The following COL4A3 variants were observed in gnomAD, a reference collection of about 807,000 sequenced individuals.
COL4A3 encodes collagen type IV alpha 3 chain, also known as collagen alpha-3(IV) chain.
Under a neutral mutation model 217.4 loss-of-function variants are expected in COL4A3, and 135 were observed. The ratio of observed to expected loss-of-function variants is 0.62; its 90% CI spans 0.54 to 0.72. COL4A3 has a LOEUF of 0.72. Ranked by LOEUF, COL4A3 falls within the 30% of genes least tolerant of loss-of-function variation. The pLI is 0.00. For synonymous variants in COL4A3, 690 were observed against 736.3 expected (o/e 0.94, Z 1.02); for missense variants, 1,868 against 2,119.9 (o/e 0.88, Z 2.33).
chr2:227,276,726 A>C (rs538995938), intron 27 of COL4A3, among the ~76,000 whole-genome samples: 2 of 152,354 alleles, frequency 1.3e-5, no homozygotes, highest in African/African-American at 4.8e-5. Context: ...GTAACTACTT[A>C]AGAGGAATTT....
intron 34 of COL4A3, among the ~76,000 whole-genome samples, chr2:227,286,232 C>T (rs2072314143): frequency 6.6e-6 from 1 of 152,104 alleles, no homozygotes; most frequent in African/African-American, 2.4e-5. Context: ...TGGCTCACGG[C>T]TGTAATCCCA....
rs780977535 is a variant in COL4A3, at chr2:227,254,121, G to A, written c.775G>A (p.Gly259Arg). The change falls in exon 14 of 52, where the codon GGG becomes AGG. Residue 259 changes from glycine to arginine, a missense_variant. This residue lies in a region of COL4A3 where 365 missense variants were observed against 333.8 expected (regional missense o/e 1.09). Coordinates refer to ENST00000396578, the MANE Select transcript of COL4A3 (RefSeq NM_000091.5). ...ACTGTTTCTTTGGCAGGACCTCAAG[G>A]GGGAAAAGGGAGACAAGGGAGCAAT... The part of the protein sequence containing the change: ...TGPDNRTDLK[G>R]EKGDKGAMGE... The A allele has an allele frequency of 1.2e-6, 2 of 1,613,864 alleles. No individual in the cohort carries two copies. The highest frequency in any genetic ancestry group is 1.7e-6 in the Non-Finnish European group (2 of 1,179,868).
rs367574148 is a variant in COL4A3, at chr2:227,283,865, T to C, written c.2746+9T>C. On this transcript the variant is annotated intron_variant, in intron 33 of 51. Transcript: ENST00000396578. ...CACACCAGGGCAGAGGGGTAAGTGA[T>C]AGAGTGTCTTTCTAAATAGCAGGAA... 1.2e-6 allele frequency: 2 copies of C among 1,602,736 alleles called. No individual in the cohort carries two copies. The highest frequency in any genetic ancestry group is 1.3e-5 in the African/African-American group (1 of 74,798).
chr2:227,202,935 GTATATATGTGTA>G (rs2066803242), intron 1 of COL4A3, among the ~76,000 whole-genome samples: 3 of 30,030 alleles, frequency 1.0e-4, no homozygotes, highest in African/African-American at 5.7e-4. Context: ...GTATATATGT[GTATATATGTGTA>G]TATATACATA....
intron 1 of COL4A3, among the ~76,000 whole-genome samples, chr2:227,196,617 G>A (rs12694720): frequency 0.71 from 107,994 of 152,016 alleles, 38,695 homozygotes; most frequent in African/African-American, 0.76. Context: ...GCGCCTGGCC[G>A]TTTTTATCTT....
chr2:227,283,156 T>C (rs570174537), intron 32 of COL4A3, among the ~76,000 whole-genome samples: 1 of 152,326 alleles, frequency 6.6e-6, no homozygotes, highest in East Asian at 1.9e-4. Context: ...TTGTTGTTCA[T>C]CATATTTCTG....
Position 227,253,872 on chromosome 2 carries a change from TA to T in COL4A3, c.766-229del, listed in dbSNP as rs375929929. Among the ~76,000 whole-genome samples, 149 of 149,446 alleles carry T rather than the reference TA, an allele frequency of 1.0e-3. No homozygotes were observed. Among genetic ancestry groups the T allele is most frequent in the African/African-American group, 2.9e-3 (118 of 40,772 alleles). On this transcript the variant is annotated intron_variant, in intron 13 of 51. Coordinates refer to ENST00000396578, the MANE Select transcript of COL4A3 (RefSeq NM_000091.5). The surrounding 1 kb of genome is among the most constrained non-coding windows in gnomAD (Gnocchi z 4.4). ...TTGGGCAACAGAGTGAGACTTCATT[TA>T]AAAAAAAAAACAACAAAAAAAAGAT... is the stretch of plus-strand genomic sequence containing the variant.
chr2:227,269,445 T>C (rs1256846060), intron 23 of COL4A3, among the ~76,000 whole-genome samples: 2 of 152,198 alleles, frequency 1.3e-5, no homozygotes, highest in African/African-American at 2.4e-5. Context: ...AAAATGAAGC[T>C]ATAAATTCAT....
Position 227,308,977 on chromosome 2 carries a change from C to T in COL4A3, c.4541C>T (p.Ala1514Val). 1 of 1,614,172 alleles carries T rather than the reference C, an allele frequency of 6.2e-7. No homozygotes were observed. Among genetic ancestry groups the T allele is most frequent in the Non-Finnish European group, 8.5e-7 (1 of 1,180,008 alleles). The stretch of plus-strand genomic sequence containing the variant: ...AATGTCAATGATGTATGTAATTTTG[C>T]ATCTCGAAATGATTATTCATACTGG... ...FCNVNDVCNF[A>V]SRNDYSYWLS... The change falls in exon 49 of 52, where the codon GCA becomes GTA. Residue 1514 changes from alanine (A) to valine (V), a missense_variant. Physicochemically the swap from Ala to Val is moderately conservative, Grantham distance 64. Transcript: ENST00000396578.
At chr2:227,264,065 C>T in intron 21 of COL4A3, 121 bp downstream of exon 21, 1 of 1,092,768 alleles carries the variant, frequency 9.2e-7, no homozygotes. Context: ...TATGAGTTAC[C>T]TTTCCAATGG....
Position 227,282,307 on chromosome 2 carries a change from A to T in COL4A3, c.2489-58A>T. Reference sequence around the variant, plus strand: ...ATATATATATATATATATATTTCTGAAGTTAGTAGGGGAAAGCATTTGTGG... The same window carrying T: ...ATATATATATATATATATATTTCTGTAGTTAGTAGGGGAAAGCATTTGTGG... On this transcript the variant is annotated intron_variant, in intron 31 of 51. Transcript: ENST00000396578. The surrounding 1 kb of genome is among the most constrained non-coding windows in gnomAD (Gnocchi z 4.4). The T allele has an allele frequency of 1.7e-5, 16 of 969,404 alleles. No homozygotes were observed. Among genetic ancestry groups the T allele is most frequent in the Non-Finnish European group, 1.9e-5 (12 of 634,394 alleles). The allele number at this position is 969,404 out of a possible 1,614,324, so 60.1% of individuals were successfully genotyped here. A position where few individuals can be genotyped will look rare whatever the true frequency, so the allele number is the denominator to read the frequency against.
chr2:227,168,504 A>T (rs866573443), intron 1 of COL4A3, among the ~76,000 whole-genome samples: 3 of 152,200 alleles, frequency 2.0e-5, no homozygotes, highest in Non-Finnish European at 4.4e-5. Context: ...GTTGCTAATT[A>T]ATTAGAAGTT....
chr2:227,277,883 C>T (rs991643576), intron 28 of COL4A3, among the ~76,000 whole-genome samples: 7 of 151,668 alleles, frequency 4.6e-5, no homozygotes, highest in African/African-American at 1.7e-4. Flanking sequence ...GGCTGTAATC[C>T]CAGCTACTCA....
At chr2:227,238,541 T>A (rs1044993152) in intron 2 of COL4A3, among the ~76,000 whole-genome samples, 2 of 152,200 alleles carry the variant, frequency 1.3e-5, no homozygotes, top group African/African-American at 4.8e-5. Context: ...AAAAAAGGAA[T>A]GCCGTGAAAT....
At chr2:227,168,203 A>G (rs1438451225) in intron 1 of COL4A3, among the ~76,000 whole-genome samples, 2 of 152,232 alleles carry the variant, frequency 1.3e-5, no homozygotes, top group Non-Finnish European at 2.9e-5. Context: ...CACTGTGACA[A>G]CTAGAATTTG....
intron 1 of COL4A3, among the ~76,000 whole-genome samples, chr2:227,196,134 G>A (rs2066466822): frequency 6.6e-6 from 1 of 151,912 alleles, no homozygotes; most frequent in Non-Finnish European, 1.5e-5. Flanking sequence ...ATTGAAGGGA[G>A]AAAATTAGTT....
At chr2:227,255,824 G>T (rs996136659) in intron 15 of COL4A3, among the ~76,000 whole-genome samples, 2 of 152,016 alleles carry the variant, frequency 1.3e-5, no homozygotes, top group African/African-American at 4.8e-5. Flanking sequence ...CATTCTGACT[G>T]GCTTCTGCTT....
rs1227275568 is a variant in COL4A3 at position 227,270,959 on chromosome 2, AT to A, written c.1758+10del. ...AGGACCTAAAGGCGAACTGGTTGGT[AT>A]TTAGCAACTTTACCCTCCCTATAAA... On this transcript the variant is annotated splice_region_variant and intron_variant, in intron 25 of 51. Transcript: ENST00000396578. 1.2e-6 allele frequency: 2 copies of A among 1,613,646 alleles called. No individual in the cohort carries two copies. Among genetic ancestry groups the A allele is most frequent in the African/African-American group, 2.7e-5 (2 of 74,932 alleles).
At chr2:227,302,929 A>C in intron 43 of COL4A3, 109 bp from the exon 44 acceptor site, 1 of 732,182 alleles carries the variant, frequency 1.4e-6, no homozygotes. Context: ...ACTTCAGCTT[A>C]TTCTCACCCA....
Sources: gnomAD v4.1 joint callset for allele counts (sites outside exome capture counted in the v4.1 genomes callset) on GRCh38, gnomAD v4.1.1 for gene constraint, gnomAD v4.1.1 regional missense constraint, Gnocchi (gnomAD v3.1) non-coding constraint, MANE v1.5 for transcripts, NCBI Gene and HGNC (gene_info 2026-07-23, HGNC 2026-07-21) for gene names.